The following GPHN variants were observed in gnomAD, a reference collection of about 807,000 sequenced individuals.
The protein encoded by GPHN is gephyrin.
A neutral mutation model predicts 95.5 loss-of-function variants in GPHN; 17 were observed. That is an observed-to-expected ratio of 0.18 (90% CI 0.12 to 0.27). The LOEUF is 0.27. Ranked by LOEUF, GPHN falls within the 10% of genes least tolerant of loss-of-function variation. The pLI, the probability that GPHN is intolerant of heterozygous loss-of-function variation, is 1.00. For synonymous variants in GPHN, 320 were observed against 322.5 expected (o/e 0.99, Z 0.08); for missense variants, 660 against 978.1 (o/e 0.67, Z 4.34).
chr14:67,395,468 G>A, the GPHN span: 30 of 1,613,904 alleles, frequency 1.9e-5, no homozygotes, highest in East Asian at 1.3e-4. Flanking sequence ...GACCTTCCCC[G>A]GCTGCCCTGC....
At chr14:66,937,995 C>G (rs1014359821) in intron 8 of GPHN, among the ~76,000 whole-genome samples, 2 of 152,260 alleles carry the variant, frequency 1.3e-5, no homozygotes, top group African/African-American at 2.4e-5. Context: ...ACCTTCTGCT[C>G]CAGGTACTAG....
intron 21 of GPHN, among the ~76,000 whole-genome samples, chr14:67,173,102 C>T (rs532029141): frequency 6.6e-6 from 1 of 152,266 alleles, no homozygotes; most frequent in South Asian, 2.1e-4. Context: ...AGTCACAGAC[C>T]CTGGCTCTGT....
the GPHN span, among the ~76,000 whole-genome samples, chr14:67,728,958 C>T: frequency 6.6e-6 from 1 of 152,144 alleles, no homozygotes; most frequent in Non-Finnish European, 1.5e-5. Context: ...AATAGAAGGA[C>T]CTCGAACCAG....
chr14:67,169,370 A>T (rs1459204246), intron 21 of GPHN, among the ~76,000 whole-genome samples: 1 of 152,208 alleles, frequency 6.6e-6, no homozygotes, highest in Non-Finnish European at 1.5e-5. Context: ...GGAACAAGGG[A>T]GAATTTTCTT....
chr14:67,671,979 A>G, the GPHN span, among the ~76,000 whole-genome samples: 2 of 152,244 alleles, frequency 1.3e-5, no homozygotes, highest in Non-Finnish European at 2.9e-5. Flanking sequence ...ATGTCAACAT[A>G]AGTTTTAGAG....
the GPHN span, among the ~76,000 whole-genome samples, chr14:67,421,582 C>T: frequency 0.013 from 2,037 of 152,270 alleles, 100 homozygotes; most frequent in East Asian, 0.16. Flanking sequence ...CTACCACCAT[C>T]GCTCAGAAAT....
the GPHN span, among the ~76,000 whole-genome samples, chr14:67,495,684 G>GTGT: frequency 1.3e-5 from 2 of 152,082 alleles, no homozygotes; most frequent in African/African-American, 4.8e-5. Context: ...GGGTTTCACT[G>GTGT]TGTTGGCCAG....
chr14:67,351,816 T>C, the GPHN span, among the ~76,000 whole-genome samples: 2 of 151,768 alleles, frequency 1.3e-5, no homozygotes, highest in Non-Finnish European at 2.9e-5. Flanking sequence ...TCACCACACC[T>C]AGTATTAACT....
the GPHN span, among the ~76,000 whole-genome samples, chr14:67,685,772 C>T: frequency 1.3e-5 from 2 of 152,064 alleles, no homozygotes; most frequent in Non-Finnish European, 2.9e-5. Context: ...TGCGCCACCA[C>T]ACCAGGCTAA....
chr14:66,566,630 T>G (rs1055254696), intron 1 of GPHN, among the ~76,000 whole-genome samples: 4 of 152,262 alleles, frequency 2.6e-5, no homozygotes, highest in African/African-American at 4.8e-5. Flanking sequence ...TCATCTGTTC[T>G]TTAATTATAC....
At chr14:67,507,716 T>A in the GPHN span, among the ~76,000 whole-genome samples, 1 of 152,200 alleles carries the variant, frequency 6.6e-6, no homozygotes, top group African/African-American at 2.4e-5. Context: ...ATTACAGGTG[T>A]GAGCCACCCT....
chr14:66,550,722 A>T (rs1037715068), intron 1 of GPHN, among the ~76,000 whole-genome samples: 1 of 152,124 alleles, frequency 6.6e-6, no homozygotes. Context: ...AGCCACCCCA[A>T]CCTTCAGCAG....
chr14:67,468,903 T>C, the GPHN span, among the ~76,000 whole-genome samples: 1 of 151,334 alleles, frequency 6.6e-6, no homozygotes, highest in Non-Finnish European at 1.5e-5. Flanking sequence ...TCAAAAATAA[T>C]AATAATAATT....
chr14:67,705,736 TA>T, the GPHN span, among the ~76,000 whole-genome samples: 1 of 152,256 alleles, frequency 6.6e-6, no homozygotes, highest in East Asian at 1.9e-4. Context: ...TTTTTTGTAT[TA>T]TTTTTGCAAT....
the GPHN span, chr14:67,690,562 C>G: frequency 4.4e-6 from 3 of 686,824 alleles, no homozygotes; most frequent in Non-Finnish European, 7.4e-6. Flanking sequence ...AACTAGAAAA[C>G]AAGTTTAATG....
chr14:67,473,682 G>C, the GPHN span: 3 of 1,584,818 alleles, frequency 1.9e-6, no homozygotes, highest in Non-Finnish European at 2.6e-6. The surrounding 1 kb of genome is among the most constrained non-coding windows in gnomAD (Gnocchi z 6.5). Context: ...GGTCCAGAGC[G>C]TGTAGATGAG....
At chr14:66,549,404 C>T (rs550106148) in intron 1 of GPHN, among the ~76,000 whole-genome samples, 1 of 152,124 alleles carries the variant, frequency 6.6e-6, no homozygotes, top group Non-Finnish European at 1.5e-5. Flanking sequence ...TTTTGTTAAG[C>T]CAAAGCTTAA....
chr14:67,394,390 T>C, the GPHN span, among the ~76,000 whole-genome samples: 3 of 151,964 alleles, frequency 2.0e-5, no homozygotes, highest in African/African-American at 7.2e-5. Flanking sequence ...AGTGAGACCC[T>C]GTCCCCAAAA....
intron 4 of GPHN, among the ~76,000 whole-genome samples, chr14:66,826,723 G>T (rs1413095968): frequency 6.6e-6 from 1 of 152,144 alleles, no homozygotes; most frequent in African/African-American, 2.4e-5. Context: ...ACAGGGCAAG[G>T]TATAGGGGCA....
Sources: gnomAD v4.1 joint callset for allele counts (sites outside exome capture counted in the v4.1 genomes callset) on GRCh38, gnomAD v4.1.1 for gene constraint, Gnocchi (gnomAD v3.1) non-coding constraint, MANE v1.5 for transcripts, NCBI Gene and HGNC (gene_info 2026-07-23, HGNC 2026-07-21) for gene names.